The following SLC14A2 variants were observed in gnomAD, a reference collection of about 807,000 sequenced individuals.
SLC14A2 encodes the protein urea transporter 2.
Under a neutral mutation model 104.6 loss-of-function variants are expected in SLC14A2, and 91 were observed. The observed-to-expected ratio is 0.87, with a 90% CI of 0.73 to 1.04. The LOEUF is 1.04. Among genes scored for constraint, SLC14A2 ranks in the 50% least tolerant of loss-of-function variants. The pLI, the probability that SLC14A2 is intolerant of heterozygous loss-of-function variation, is 0.00. For missense variants in SLC14A2, 1,189 were observed against 1,156.0 expected (o/e 1.03, Z -0.41); for synonymous variants, 476 against 466.4 (o/e 1.02, Z -0.27).
chr18:45,482,124 C>T (rs2087505904), intron 1 of SLC14A2, among the ~76,000 whole-genome samples: 1 of 152,118 alleles, frequency 6.6e-6, no homozygotes, highest in African/African-American at 2.4e-5. Context: ...AAAATGCATA[C>T]CCATTGAAAG....
intron 2 of SLC14A2, among the ~76,000 whole-genome samples, chr18:45,486,956 T>C (rs1235137106): frequency 6.6e-6 from 1 of 152,206 alleles, no homozygotes; most frequent in African/African-American, 2.4e-5. Context: ...TCCAAGATCA[T>C]GCAAAAGAGC....
the SLC14A2 span, among the ~76,000 whole-genome samples, chr18:45,182,296 A>G: frequency 2.0e-5 from 3 of 152,118 alleles, no homozygotes; most frequent in South Asian, 6.2e-4. Context: ...AAGATAGGAT[A>G]AGAGACACAG....
rs762548667 is a variant in SLC14A2, at chr18:45,673,087, G to A, written c.2377+40G>A. ...TTCCCTGGGCTGTGAGGGGGTTAGA[G>A]CCTGGGGCCAGCTCCAAATAAAATG... On this transcript the variant is annotated intron_variant, in intron 17 of 19. Coordinates refer to ENST00000255226, the MANE Select transcript of SLC14A2 (RefSeq NM_007163.4). The A allele has an allele frequency of 2.5e-6, 4 of 1,594,126 alleles. No homozygotes were observed. The African/African-American group carries it at 4.0e-5, about 16-fold the overall frequency.
At chr18:45,355,187 T>G (rs745520728) in intron 1 of SLC14A2, among the ~76,000 whole-genome samples, 14 of 152,082 alleles carry the variant, frequency 9.2e-5, no homozygotes, top group Non-Finnish European at 1.5e-4. Flanking sequence ...AAGGAGACAA[T>G]GTATACAGTG....
intron 2 of SLC14A2, among the ~76,000 whole-genome samples, chr18:45,564,757 T>G (rs187444695): frequency 7.5e-4 from 114 of 152,318 alleles, no homozygotes; most frequent in African/African-American, 2.4e-3. Flanking sequence ...CTCTGGAGTT[T>G]AAGCATCATT....
chr18:45,359,036 T>G (rs928077078), intron 1 of SLC14A2, among the ~76,000 whole-genome samples: 1 of 152,204 alleles, frequency 6.6e-6, no homozygotes, highest in Non-Finnish European at 1.5e-5. Context: ...AAGCAAGGAT[T>G]CCTACACCTG....
intron 1 of SLC14A2, among the ~76,000 whole-genome samples, chr18:45,260,063 C>A (rs139810364): frequency 2.0e-5 from 3 of 152,170 alleles, no homozygotes; most frequent in Non-Finnish European, 4.4e-5. Flanking sequence ...AGTTCTAGCA[C>A]TAGAGAATTT....
intron 1 of SLC14A2, among the ~76,000 whole-genome samples, chr18:45,225,596 T>C (rs1315053539): frequency 1.3e-5 from 2 of 152,188 alleles, no homozygotes; most frequent in South Asian, 2.1e-4. Context: ...ATGGCCATTC[T>C]CATGATATTG....
At chr18:45,587,015 TCTCA>T (rs1474157293) in intron 2 of SLC14A2, among the ~76,000 whole-genome samples, 1 of 151,896 alleles carries the variant, frequency 6.6e-6, no homozygotes, top group Non-Finnish European at 1.5e-5. Flanking sequence ...TGAGACAGAG[TCTCA>T]CTCAGTCACC....
At chr18:45,366,554 A>G (rs938346701) in intron 1 of SLC14A2, among the ~76,000 whole-genome samples, 4 of 152,110 alleles carry the variant, frequency 2.6e-5, no homozygotes, top group Non-Finnish European at 4.4e-5. Flanking sequence ...CCTTTTCAAC[A>G]TCTTTTCTCT....
chr18:45,213,754 T>C (rs941840640), intron 1 of SLC14A2, among the ~76,000 whole-genome samples: 1 of 152,190 alleles, frequency 6.6e-6, no homozygotes, highest in Non-Finnish European at 1.5e-5. Flanking sequence ...TCCAATGAAG[T>C]GACCAGTCAA....
intron 1 of SLC14A2, among the ~76,000 whole-genome samples, chr18:45,236,203 ATACATATATG>A (rs2084240653): frequency 1.6e-5 from 1 of 61,624 alleles, no homozygotes; most frequent in African/African-American, 7.8e-5. Flanking sequence ...ATGTGTATAT[ATACATATATG>A]TGTGTATATA....
chr18:45,455,772 G>GT (rs1483878538), intron 1 of SLC14A2, among the ~76,000 whole-genome samples: 1 of 152,144 alleles, frequency 6.6e-6, no homozygotes. Flanking sequence ...ACATTCTAGT[G>GT]TAAGAGGGCA....
chr18:45,459,520 C>A (rs539366400), intron 1 of SLC14A2, among the ~76,000 whole-genome samples: 1 of 152,292 alleles, frequency 6.6e-6, no homozygotes, highest in Admixed American at 6.5e-5. Flanking sequence ...TGACTTTCAG[C>A]ACACCACCTC....
At chr18:45,476,626 G>A (rs1181653944) in intron 1 of SLC14A2, among the ~76,000 whole-genome samples, 3 of 152,156 alleles carry the variant, frequency 2.0e-5, no homozygotes, top group Admixed American at 6.6e-5. Context: ...CCAGTCAAAC[G>A]TAGGTTTGGT....
intron 1 of SLC14A2, among the ~76,000 whole-genome samples, chr18:45,331,503 A>G (rs1175287257): frequency 6.6e-6 from 1 of 151,884 alleles, no homozygotes; most frequent in African/African-American, 2.4e-5. Flanking sequence ...CATCCTGGCT[A>G]ACACGTGAAA....
chr18:45,416,698 T>C (rs963527250), intron 1 of SLC14A2, among the ~76,000 whole-genome samples: 3 of 152,180 alleles, frequency 2.0e-5, no homozygotes, highest in South Asian at 2.1e-4. Flanking sequence ...ATTAACATGA[T>C]ATAAGTAAAA....
intron 2 of SLC14A2, among the ~76,000 whole-genome samples, chr18:45,567,398 C>G (rs563198126): frequency 6.6e-6 from 1 of 152,268 alleles, no homozygotes; most frequent in East Asian, 1.9e-4. Flanking sequence ...TTAAAGGGAC[C>G]CCGACTGATA....
intron 1 of SLC14A2, among the ~76,000 whole-genome samples, chr18:45,456,158 T>C (rs916618007): frequency 6.6e-6 from 1 of 152,048 alleles, no homozygotes; most frequent in Non-Finnish European, 1.5e-5. Flanking sequence ...GCTGTGACGA[T>C]CAAAAGTGTC....
Sources: gnomAD v4.1 joint callset for allele counts (sites outside exome capture counted in the v4.1 genomes callset) on GRCh38, gnomAD v4.1.1 for gene constraint, MANE v1.5 for transcripts, NCBI Gene and HGNC (gene_info 2026-07-23, HGNC 2026-07-21) for gene names.